Variants in OSBPL10 observed in about 807,000 individuals in gnomAD.
OSBPL10 encodes the protein oxysterol-binding protein-related protein 10.
A neutral mutation model predicts 81.7 loss-of-function variants in OSBPL10; 49 were observed. The ratio of observed to expected loss-of-function variants is 0.60; its 90% CI spans 0.48 to 0.76. The LOEUF (loss-of-function observed/expected upper bound fraction) is 0.76. Among genes scored for constraint, OSBPL10 ranks in the 30% least tolerant of loss-of-function variants. OSBPL10 has a pLI of 0.00. For missense variants in OSBPL10, 923 were observed against 987.8 expected (o/e 0.93, Z 0.88); for synonymous variants, 419 against 383.6 (o/e 1.09, Z -1.08).
rs146054107 is a variant in OSBPL10 at position 32,047,749 on chromosome 3, G to A, written n.186-1146C>T. ...GCGATCTCGGCTCACTGCAAGCTCC[G>A]CCTCCCGGGTTCACACCATTCTCCT... On this transcript the variant is annotated intron_variant and non_coding_transcript_variant, in intron 1 of 3. Transcript: ENST00000479173. 5.3e-3 allele frequency among the ~76,000 whole-genome samples: 807 copies of A among 151,466 alleles called. 22 individuals are homozygous for A. In the East Asian group the frequency reaches 0.088, roughly 17 times the overall value.
rs144375183 is a variant in OSBPL10, at chr3:31,683,295, A to C, written c.1726+339T>G. Among the ~76,000 whole-genome samples, 9 of 152,366 alleles carry C rather than the reference A, an allele frequency of 5.9e-5. No individual in the cohort carries two copies. In the East Asian group the frequency reaches 1.5e-3, roughly 26 times the overall value. Reference sequence around the variant, plus strand: ...TGAGAATGAATAAAAATGTGTTTTCACAGATTTGGAGGCCAACTCTTATAT... The same window carrying C: ...TGAGAATGAATAAAAATGTGTTTTCCCAGATTTGGAGGCCAACTCTTATAT... On this transcript the variant is annotated intron_variant, in intron 8 of 11. Coordinates refer to ENST00000396556, the MANE Select transcript of OSBPL10 (RefSeq NM_017784.5).
intron 4 of OSBPL10, among the ~76,000 whole-genome samples, chr3:31,807,374 A>AAAACAAATAAATAAAT (rs565295604): frequency 7.3e-6 from 1 of 137,330 alleles, no homozygotes; most frequent in Non-Finnish European, 1.6e-5. Context: ...CTGTCTCAGA[A>AAAACAAATAAATAAAT]AAATAAATAA....
At chr3:31,984,542 G>C (rs1390164127), upstream of OSBPL10, among the ~76,000 whole-genome samples, 2 of 151,958 alleles carry the variant, frequency 1.3e-5, no homozygotes, top group Non-Finnish European at 2.9e-5. Flanking sequence ...CAGAATGCAG[G>C]GTATGAAAAA....
chr3:31,925,401 G>A (rs1436029278), intron 1 of OSBPL10, among the ~76,000 whole-genome samples: 1 of 151,628 alleles, frequency 6.6e-6, no homozygotes, highest in Admixed American at 6.6e-5. Flanking sequence ...ACAACTCACT[G>A]CACCTTAAAC....
rs374246176 is a variant in OSBPL10 at position 31,669,428 on chromosome 3, G to T, written c.1914-604C>A. Among the ~76,000 whole-genome samples the T allele has an allele frequency of 3.6e-4, 55 of 152,214 alleles. No homozygotes were observed. In the South Asian group the frequency reaches 5.4e-3, roughly 15 times the overall value. The stretch of plus-strand genomic sequence containing the variant: ...TCAATCCTTAAATCAGGTCTATTTT[G>T]TATGGGGTCAAACATGGTTGCCCAC... On this transcript the variant is annotated intron_variant, in intron 9 of 11. Transcript: ENST00000396556.
rs561036692 is a variant in OSBPL10 at position 31,830,768 on chromosome 3, A to C, written c.538-537T>G. 1.2e-4 allele frequency among the ~76,000 whole-genome samples: 19 copies of C among 152,344 alleles called. No individual in the cohort carries two copies. The South Asian group carries it at 3.9e-3, about 32-fold the overall frequency. ...CATCTTTATATCCCCAAGGCCTGGC[A>C]CATCACAATTGTTTAATTTATTAAG... On this transcript the variant is annotated intron_variant, in intron 3 of 11. Coordinates refer to ENST00000396556, the MANE Select transcript of OSBPL10 (RefSeq NM_017784.5).
Position 31,670,820 on chromosome 3 carries a change from A to G in OSBPL10, c.1890T>C (p.Pro630=). Residue 630 remains proline, a synonymous_variant, in exon 9 of 12, where the codon CCT becomes CCC. Coordinates refer to ENST00000396556, the MANE Select transcript of OSBPL10 (RefSeq NM_017784.5). ...ACCTGTGGACTTTCCCTCCATAGAA[A>G]GGCTTCGTGTGGAATATCACTGTCG... ...YSATVIFHTK[P]FYGGKVHRVT... is the part of the protein sequence containing the mutation. 1 of 1,613,988 alleles carries G rather than the reference A, an allele frequency of 6.2e-7. No individual in the cohort carries two copies. Among genetic ancestry groups the G allele is most frequent in the South Asian group, 1.1e-5 (1 of 91,030 alleles).
At chr3:31,721,096 G>A (rs1696630122) in intron 6 of OSBPL10, among the ~76,000 whole-genome samples, 1 of 152,026 alleles carries the variant, frequency 6.6e-6, no homozygotes, top group South Asian at 2.1e-4. Flanking sequence ...GAAGTCAGAG[G>A]GAGATGGGAC....
Position 31,668,721 on chromosome 3 carries a change from T to C in OSBPL10, c.2017A>G (p.Lys673Glu). Residue 673 changes from lysine (K) to glutamate (E), a missense_variant, in exon 10 of 12, where the codon AAA (lysine) becomes GAA (glutamate). This residue lies in a region of OSBPL10 where 387 missense variants were observed against 436.3 expected (regional missense o/e 0.89). Transcript: ENST00000396556. ...LEFTYNNGETKVIDTTTLPVY... is the reference protein window; with the variant it reads ...LEFTYNNGETEVIDTTTLPVY... ...GGCAGTGTGGTTGTGTCGATGACTT[T>C]GGTTTCTCCATTGTTGTAGGTGAAC... 6.8e-6 allele frequency: 11 copies of C among 1,614,224 alleles called. No homozygotes were observed. The highest frequency in any genetic ancestry group is 9.3e-6 in the Non-Finnish European group (11 of 1,180,036).
chr3:31,934,988 A>G (rs1697346399), intron 1 of OSBPL10, among the ~76,000 whole-genome samples: 1 of 152,176 alleles, frequency 6.6e-6, no homozygotes, highest in East Asian at 1.9e-4. Context: ...AACCCCTTCA[A>G]TCTTTCTGAT....
At chr3:31,697,946 T>G (rs1220024811) in intron 7 of OSBPL10, among the ~76,000 whole-genome samples, 4 of 151,940 alleles carry the variant, frequency 2.6e-5, no homozygotes, top group African/African-American at 9.7e-5. Context: ...GTATTTTTAG[T>G]AGAGACAGGG....
chr3:31,984,974 C>T (rs1461299742), upstream of OSBPL10, among the ~76,000 whole-genome samples: 4 of 152,230 alleles, frequency 2.6e-5, no homozygotes, highest in African/African-American at 9.6e-5. Context: ...CGCGGTGGCT[C>T]AAGCCTGTAA....
chr3:31,820,521 G>A (rs1022433350), intron 4 of OSBPL10, among the ~76,000 whole-genome samples: 23 of 151,904 alleles, frequency 1.5e-4, no homozygotes, highest in African/African-American at 5.1e-4. Flanking sequence ...CTTAAATCCG[G>A]GAGGCGGAGG....
chr3:32,031,479 C>T (rs1213615141), intron 2 of OSBPL10, among the ~76,000 whole-genome samples: 7 of 141,546 alleles, frequency 4.9e-5, no homozygotes, highest in African/African-American at 1.4e-4. Flanking sequence ...TTTTTTTTTT[C>T]GAGACAGAGT....
chr3:31,759,817 T>C (rs1442197475), intron 4 of OSBPL10, among the ~76,000 whole-genome samples: 1 of 152,174 alleles, frequency 6.6e-6, no homozygotes, highest in East Asian at 1.9e-4. Context: ...TGGAGTGCAG[T>C]GGCACGATCT....
intron 1 of OSBPL10, among the ~76,000 whole-genome samples, chr3:31,882,097 TG>T (rs1272061763): frequency 6.6e-6 from 1 of 152,232 alleles, no homozygotes; most frequent in Non-Finnish European, 1.5e-5. Flanking sequence ...CTCCTTTGCC[TG>T]GCAGTAGAGG....
In OSBPL10 at chr3:31,748,245, C is replaced by T. The variant is rs1009811977; in HGVS notation, c.730-125G>A. 7.4e-6 allele frequency: 6 copies of T among 815,580 alleles called. No individual in the cohort carries two copies. The African/African-American group carries it at 1.0e-4, about 14-fold the overall frequency. The allele number at this position is 815,580 out of a possible 1,614,324, so 50.5% of individuals were successfully genotyped here. A position where few individuals can be genotyped will look rare whatever the true frequency, so the allele number is the denominator to read the frequency against. ...GGGTCAACTCAGCGTGTTCGGTGCA[C>T]ATTCGTCTTTTGATAAATACTCAAT... On this transcript the variant is annotated intron_variant, in intron 4 of 11. Transcript: ENST00000396556.
chr3:31,761,359 C>T (rs2125722013), intron 4 of OSBPL10, among the ~76,000 whole-genome samples: 1 of 151,292 alleles, frequency 6.6e-6, no homozygotes, highest in East Asian at 2.0e-4. Context: ...GTAATCCCAG[C>T]TACTTGGGAA....
intron 8 of OSBPL10, among the ~76,000 whole-genome samples, chr3:31,678,782 CTGTGTGTGTGTGTGTG>C (rs67616509): frequency 0.014 from 1,869 of 135,636 alleles, 39 homozygotes; most frequent in African/African-American, 0.047. Flanking sequence ...CAGATTCAAA[CTGTGTGTGTGTGTGTG>C]TGTGTGTGTG....
Sources: gnomAD v4.1 joint callset for allele counts (sites outside exome capture counted in the v4.1 genomes callset) on GRCh38, gnomAD v4.1.1 for gene constraint, gnomAD v4.1.1 regional missense constraint, MANE v1.5 for transcripts, NCBI Gene and HGNC (gene_info 2026-07-23, HGNC 2026-07-21) for gene names.